The following SLC9C1 variants were observed in gnomAD, a reference collection of about 807,000 sequenced individuals.
The protein encoded by SLC9C1 is solute carrier family 9 member C1.
In SLC9C1, 97 loss-of-function variants were observed where a neutral mutation model predicts 140.9. The observed-to-expected ratio is 0.69, with a 90% CI of 0.58 to 0.82. The LOEUF is 0.82. Ranked by LOEUF, SLC9C1 falls within the 40% of genes least tolerant of loss-of-function variation. The pLI, the probability that SLC9C1 is intolerant of heterozygous loss-of-function variation, is 0.00. For synonymous variants in SLC9C1, 440 were observed against 442.6 expected (o/e 0.99, Z 0.07); for missense variants, 1,340 against 1,389.3 (o/e 0.96, Z 0.56).
intron 8 of SLC9C1, among the ~76,000 whole-genome samples, chr3:112,264,705 T>A (rs1474300039): frequency 1.3e-5 from 2 of 152,056 alleles, no homozygotes; most frequent in Non-Finnish European, 2.9e-5. Flanking sequence ...AACATGGACC[T>A]GTTACAGGTT....
At chr3:112,271,608 C>A (rs192620868) in intron 6 of SLC9C1, among the ~76,000 whole-genome samples, 1 of 151,980 alleles carries the variant, frequency 6.6e-6, no homozygotes, top group Non-Finnish European at 1.5e-5. Flanking sequence ...GAGCTCCTTT[C>A]GGTCTCCATT....
intron 20 of SLC9C1, chr3:112,185,826 T>G (rs2077526584): frequency 1.9e-6 from 3 of 1,580,930 alleles, no homozygotes; most frequent in Middle Eastern, 4.5e-4. Flanking sequence ...GGGAGTGCCC[T>G]CCTCCTCGTA....
chr3:112,204,493 TTTCTC>T, intron 16 of SLC9C1, 90 bp from the exon 17 acceptor site: 1 of 1,371,556 alleles, frequency 7.3e-7, no homozygotes, highest in South Asian at 1.4e-5. Context: ...ATGTTAGGCT[TTTCTC>T]TTATCTACTC....
intron 26 of SLC9C1, among the ~76,000 whole-genome samples, chr3:112,163,885 C>T (rs1421680009): frequency 6.6e-6 from 1 of 151,868 alleles, no homozygotes; most frequent in African/African-American, 2.4e-5. Context: ...TAAAGTCTCC[C>T]ATTATTAATG....
At chr3:112,220,964 GC>G (rs988517021) in intron 14 of SLC9C1, among the ~76,000 whole-genome samples, 163 bp downstream of exon 14, 2 of 152,156 alleles carry the variant, frequency 1.3e-5, no homozygotes, top group African/African-American at 4.8e-5. Context: ...AGGTAGTTTG[GC>G]CTGAGGGTGG....
intron 25 of SLC9C1, among the ~76,000 whole-genome samples, chr3:112,167,808 A>G (rs1357521101): frequency 6.6e-6 from 1 of 152,178 alleles, no homozygotes; most frequent in African/African-American, 2.4e-5. Flanking sequence ...CTCTGTTTCT[A>G]GGAAAGTAGA....
chr3:112,268,678 TGTC>T (rs1209266172), intron 7 of SLC9C1, among the ~76,000 whole-genome samples: 4 of 152,252 alleles, frequency 2.6e-5, no homozygotes, highest in Admixed American at 6.5e-5. Flanking sequence ...TGATATAAAA[TGTC>T]GTGATTAATC....
intron 1 of SLC9C1, among the ~76,000 whole-genome samples, chr3:112,289,466 T>C (rs1263165505): frequency 1.3e-5 from 2 of 152,208 alleles, no homozygotes; most frequent in African/African-American, 4.8e-5. Flanking sequence ...ACAGCTGTGA[T>C]GGGCACAGAA....
In SLC9C1 at chr3:112,262,928, G is replaced by A. The variant is rs768221802; in HGVS notation, c.1193C>T (p.Ser398Phe). 1 of 1,568,478 alleles carries A rather than the reference G, an allele frequency of 6.4e-7. No homozygotes were observed. Among genetic ancestry groups the A allele is most frequent in the East Asian group, 2.3e-5 (1 of 43,462 alleles). Residue 398 changes from serine to phenylalanine, a missense_variant, in exon 10 of 29, where the codon TCT becomes TTT. Transcript: ENST00000305815. ...DLYFGSDKEK[S>F]QILFHGVLVC... is the part of the protein sequence containing the mutation. Reference sequence around the variant, plus strand: ...AGAAAATACAGCTTTCTTTACTTGAGATTTTTCTTTGTCAGATCCAAAATA... The same window carrying A: ...AGAAAATACAGCTTTCTTTACTTGAAATTTTTCTTTGTCAGATCCAAAATA...
intron 20 of SLC9C1, among the ~76,000 whole-genome samples, chr3:112,189,489 C>T (rs939631379): frequency 1.9e-4 from 29 of 152,188 alleles, no homozygotes; most frequent in Non-Finnish European, 2.9e-5. Context: ...AATAGGGAAT[C>T]CTTTCCCCAT....
At chr3:112,211,383 C>G (rs571082367) in intron 15 of SLC9C1, among the ~76,000 whole-genome samples, 1 of 63,548 alleles carries the variant, frequency 1.6e-5, no homozygotes, top group Non-Finnish European at 3.5e-5. Flanking sequence ...TGCAGTGCAC[C>G]GAGCATGACC....
rs1269828954 is a variant in SLC9C1 at position 112,293,006 on chromosome 3, C to T, written c.-88+1087G>A. On this transcript the variant is annotated intron_variant, in intron 1 of 28. Transcript: ENST00000305815. ...TTAGTTGACTGAGCACAGTGGCTCA[C>T]GCCTGTAATCCCAGCACTTTGGGAG... Among the ~76,000 whole-genome samples the T allele has an allele frequency of 5.4e-5, 8 of 149,074 alleles. No individual in the cohort carries two copies. In the South Asian group the frequency reaches 1.3e-3, roughly 24 times the overall value.
intron 23 of SLC9C1, among the ~76,000 whole-genome samples, chr3:112,171,128 C>T (rs2077239208): frequency 6.6e-6 from 1 of 151,990 alleles, no homozygotes; most frequent in African/African-American, 2.4e-5. Context: ...GCAGGAGAAT[C>T]ACTTGAATCC....
intron 1 of SLC9C1, among the ~76,000 whole-genome samples, chr3:112,290,829 T>TG (rs1491337592): frequency 6.8e-6 from 1 of 146,996 alleles, no homozygotes; most frequent in African/African-American, 2.5e-5. Flanking sequence ...TTTTTTTTTT[T>TG]GATCTTTGTT....
chr3:112,230,307 G>A (rs1175032766), intron 13 of SLC9C1, among the ~76,000 whole-genome samples: 1 of 152,150 alleles, frequency 6.6e-6, no homozygotes. Flanking sequence ...GGGAACCCAG[G>A]ATGACTAGCT....
At chr3:112,275,602 A>C (rs562733401) in intron 5 of SLC9C1, among the ~76,000 whole-genome samples, 1 of 152,278 alleles carries the variant, frequency 6.6e-6, no homozygotes, top group Non-Finnish European at 1.5e-5. Flanking sequence ...TCTGCCATTA[A>C]ATGTGCATGT....
chr3:112,182,633 A>G (rs191168365), intron 20 of SLC9C1, among the ~76,000 whole-genome samples: 3 of 150,566 alleles, frequency 2.0e-5, no homozygotes, highest in Admixed American at 1.3e-4. Context: ...TTACTGAAGT[A>G]TAGCAGATGT....
At chr3:112,204,173 A>G (rs1171186064) in intron 17 of SLC9C1, 45 bp downstream of exon 17, 3 of 1,396,960 alleles carry the variant, frequency 2.1e-6, no homozygotes, top group Non-Finnish European at 2.8e-6. Flanking sequence ...GTTTTATGAA[A>G]CAATCAGTAG....
intron 10 of SLC9C1, among the ~76,000 whole-genome samples, chr3:112,259,414 T>C (rs1218066492): frequency 8.0e-6 from 1 of 125,380 alleles, no homozygotes; most frequent in Non-Finnish European, 1.8e-5. Flanking sequence ...AGTTTACCTA[T>C]CTAAAAAAAA....
Sources: allele counts gnomAD v4.1 joint callset (sites outside exome capture counted in the v4.1 genomes callset), GRCh38; gene constraint gnomAD v4.1.1; transcripts MANE v1.5; gene names NCBI Gene and HGNC (gene_info 2026-07-23, HGNC 2026-07-21).